PRSS55: variants seen among roughly 807,000 people sequenced by gnomAD.
The protein encoded by PRSS55 is probable serine protease UNQ9391/PRO34284.
In PRSS55, 41 loss-of-function variants were observed where a neutral mutation model predicts 23.6. The ratio of observed to expected loss-of-function variants is 1.74; its 90% CI spans 1.35 to 2.26. The LOEUF is 2.26. PRSS55 is among the 30% of genes most tolerant of loss of function. PRSS55 has a pLI of 0.00. For missense variants in PRSS55, 669 were observed against 439.1 expected, an observed-to-expected ratio of 1.52 and a Z score of -4.68; for synonymous variants, 262 against 175.5, an observed-to-expected ratio of 1.49 and a Z score of -3.90.
chr8:10,528,823 T>A (rs1008111619), intron 1 of PRSS55, among the ~76,000 whole-genome samples: 8 of 152,256 alleles, frequency 5.3e-5, no homozygotes, highest in African/African-American at 1.9e-4. Context: ...TACTGGACGC[T>A]CTAGGGGAAA....
intron 4 of PRSS55, among the ~76,000 whole-genome samples, chr8:10,533,275 C>T (rs1420985786): frequency 6.6e-6 from 1 of 152,184 alleles, no homozygotes; most frequent in Non-Finnish European, 1.5e-5. Context: ...TATTTCTGAT[C>T]TTCTTCAGGT....
chr8:10,537,403 A>G (rs1812493688), intron 4 of PRSS55, among the ~76,000 whole-genome samples: 1 of 152,274 alleles, frequency 6.6e-6, no homozygotes, highest in South Asian at 2.1e-4. Context: ...TCACTTATAA[A>G]TGGAAGCTTA....
Position 10,538,694 on chromosome 8 carries a change from G to C in PRSS55, c.960G>C (p.Met320Ile). 1 of 1,614,190 alleles carries C rather than the reference G, an allele frequency of 6.2e-7. No homozygotes were observed. Among genetic ancestry groups the C allele is most frequent in the South Asian group, 1.1e-5 (1 of 91,076 alleles). Residue 320 changes from methionine (M) to isoleucine (I), a missense_variant, in exon 5 of 5, where the codon ATG becomes ATC. Physicochemically the swap from Met to Ile is conservative, Grantham distance 10. Coordinates refer to ENST00000328655, the MANE Select transcript of PRSS55 (RefSeq NM_198464.4). ...GGACTTCTGTCAAACAGAAACCTAT[G>C]GGCTCCCCAGTCTCGGGAGTCCCAG... Reference protein sequence around the residue: ...KRRTSVKQKPMGSPVSGVPEP... With the variant: ...KRRTSVKQKPIGSPVSGVPEP...
chr8:10,531,540 A>G lies in PRSS55; in HGVS notation c.593A>G (p.Asn198Ser), dbSNP rs760276505. 1.5e-5 allele frequency: 25 copies of G among 1,613,364 alleles called. No homozygotes were observed. The highest frequency in any genetic ancestry group is 2.7e-5 in the African/African-American group (2 of 74,956). The change falls in exon 3 of 5, where the codon AAT (asparagine) becomes AGT (serine). Residue 198 changes from asparagine (N) to serine (S), a missense_variant. Asn to Ser is a conservative substitution (Grantham distance 46). Coordinates refer to ENST00000328655, the MANE Select transcript of PRSS55 (RefSeq NM_198464.4). ...ECWVAGWGQTNAADKNSVKTD... is the reference protein window; with the variant it reads ...ECWVAGWGQTSAADKNSVKTD... ...TGGGTGGCAGGTTGGGGCCAGACCA[A>G]TGCTGGTATGTGACTGCTCAGCTTC...
At chr8:10,541,028 G>C (rs1319838413), downstream of PRSS55, 1 of 152,738 alleles carries the variant, frequency 6.5e-6, no homozygotes, top group Non-Finnish European at 1.5e-5. Flanking sequence ...GGTGGGCATA[G>C]AACTCGAGCC....
At chr8:10,550,726 A>G (rs556255200) in intron 4 of PRSS55, among the ~76,000 whole-genome samples, 54 of 152,226 alleles carry the variant, frequency 3.5e-4, no homozygotes, top group African/African-American at 1.2e-3. Context: ...TTTTTACTGT[A>G]TCAGCTTCTC....
At chr8:10,538,050 C>A (rs1046963413) in intron 4 of PRSS55, among the ~76,000 whole-genome samples, 1 of 152,180 alleles carries the variant, frequency 6.6e-6, no homozygotes, top group African/African-American at 2.4e-5. Flanking sequence ...TGCAAGAACA[C>A]AAAGGAGACC....
chr8:10,554,000 C>A (rs1347259466), exon 5 of PRSS55: 2 of 1,532,036 alleles, frequency 1.3e-6, no homozygotes, highest in African/African-American at 1.4e-5. Flanking sequence ...AACAAAGCCG[C>A]CTGGGTCTCA....
intron 4 of PRSS55, among the ~76,000 whole-genome samples, chr8:10,546,919 G>A (rs1256094300): frequency 2.0e-5 from 3 of 152,050 alleles, no homozygotes; most frequent in African/African-American, 7.2e-5. Flanking sequence ...GGGCTCAAAT[G>A]ATCCTCCCAC....
At chr8:10,528,238 A>T (rs1812108498) in intron 1 of PRSS55, among the ~76,000 whole-genome samples, 1 of 150,798 alleles carries the variant, frequency 6.6e-6, no homozygotes, top group Admixed American at 6.6e-5. Context: ...GAGAGCCTTT[A>T]TGCATTGCTG....
Position 10,529,566 on chromosome 8 carries a change from A to T in PRSS55, c.214A>T (p.Met72Leu), listed in dbSNP as rs1052427336. The T allele has an allele frequency of 1.9e-6, 3 of 1,613,928 alleles. No individual in the cohort carries two copies. Among genetic ancestry groups the T allele is most frequent in the Non-Finnish European group, 2.5e-6 (3 of 1,179,910 alleles). Reference sequence around the variant, plus strand: ...TCGGTATTCCAGAATCACAGGGGGGATGGAGGCGGAGGTGGGTGAGTTTCC... The same window carrying T: ...TCGGTATTCCAGAATCACAGGGGGGTTGGAGGCGGAGGTGGGTGAGTTTCC... ...RTRYSRITGGMEAEVGEFPWQ... is the reference protein window; with the variant it reads ...RTRYSRITGGLEAEVGEFPWQ... Residue 72 changes from methionine (M) to leucine (L), a missense_variant, in exon 2 of 5, where the codon ATG becomes TTG. Coordinates refer to ENST00000328655, the MANE Select transcript of PRSS55 (RefSeq NM_198464.4).
chr8:10,527,905 A>T (rs947941118), intron 1 of PRSS55, among the ~76,000 whole-genome samples: 2 of 152,198 alleles, frequency 1.3e-5, no homozygotes, highest in East Asian at 3.9e-4. Flanking sequence ...ATCAGAGAGG[A>T]AGTGTGGATC....
chr8:10,537,637 G>A (rs908939879), intron 4 of PRSS55, among the ~76,000 whole-genome samples: 3 of 152,200 alleles, frequency 2.0e-5, no homozygotes, highest in African/African-American at 7.2e-5. Flanking sequence ...AAACGCTTGA[G>A]GGGATGGATA....
At chr8:10,553,293 G>T (rs1812991731) in intron 4 of PRSS55, among the ~76,000 whole-genome samples, 1 of 152,202 alleles carries the variant, frequency 6.6e-6, no homozygotes, top group Admixed American at 6.5e-5. Context: ...CCAGTCATGT[G>T]GAACTGTGAG....
chr8:10,526,207 G>A (rs985418816), intron 1 of PRSS55, among the ~76,000 whole-genome samples: 2 of 152,194 alleles, frequency 1.3e-5, no homozygotes, highest in African/African-American at 4.8e-5. Context: ...CAGGGATGCT[G>A]GGGTACCTAG....
At chr8:10,532,334 A>C (rs1190570609) in intron 3 of PRSS55, among the ~76,000 whole-genome samples, 2 of 152,196 alleles carry the variant, frequency 1.3e-5, no homozygotes, top group African/African-American at 4.8e-5. Flanking sequence ...CAGGGGAAGA[A>C]ATGTGAAATC....
Position 10,531,472 on chromosome 8 carries a change from C to T in PRSS55, c.525C>T (p.Ile175=). The T allele has an allele frequency of 6.2e-7, 1 of 1,614,104 alleles. No homozygotes were observed. The highest frequency in any genetic ancestry group is 8.5e-7 in the Non-Finnish European group (1 of 1,180,054). Residue 175 remains isoleucine (I), a synonymous_variant, in exon 3 of 5, where the codon ATC becomes ATT. Coordinates refer to ENST00000328655, the MANE Select transcript of PRSS55 (RefSeq NM_198464.4). ...PIKLDDLKVP[I]CLPTQPGPAT... ...AGCTCGATGACCTGAAGGTGCCCATCTGCCTCCCCACGCAGCCCGGCCCTG... is the reference window on the plus strand; with the variant it reads ...AGCTCGATGACCTGAAGGTGCCCATTTGCCTCCCCACGCAGCCCGGCCCTG...
At chr8:10,527,778 G>A (rs1228080319) in intron 1 of PRSS55, among the ~76,000 whole-genome samples, 1 of 152,202 alleles carries the variant, frequency 6.6e-6, no homozygotes, top group African/African-American at 2.4e-5. Context: ...ATTACAAAGT[G>A]AGGATGAAAA....
chr8:10,532,531 G>A (rs2117028956), intron 3 of PRSS55, among the ~76,000 whole-genome samples: 1 of 152,292 alleles, frequency 6.6e-6, no homozygotes, highest in South Asian at 2.1e-4. Context: ...CCTGTGTGAA[G>A]GAAATGCCAT....
Sources: allele counts gnomAD v4.1 joint callset (sites outside exome capture counted in the v4.1 genomes callset), GRCh38; gene constraint gnomAD v4.1.1; transcripts MANE v1.5; gene names NCBI Gene and HGNC (gene_info 2026-07-23, HGNC 2026-07-21).